The following PHF21B variants were observed in gnomAD, a reference collection of about 807,000 sequenced individuals.
PHF21B encodes PHD finger protein 21B.
Under a neutral mutation model 62.2 loss-of-function variants are expected in PHF21B, and 22 were observed. The ratio of observed to expected loss-of-function variants is 0.35; its 90% CI spans 0.25 to 0.51. The LOEUF (loss-of-function observed/expected upper bound fraction) is 0.51. PHF21B is among the 20% of genes least tolerant of loss of function. PHF21B has a pLI of 0.97. For missense variants in PHF21B, 701 were observed against 707.9 expected (o/e 0.99, Z 0.11); for synonymous variants, 341 against 314.7 (o/e 1.08, Z -0.88).
chr22:44,947,510 C>A (rs560482327), intron 2 of PHF21B, among the ~76,000 whole-genome samples: 5 of 152,240 alleles, frequency 3.3e-5, no homozygotes, highest in African/African-American at 4.8e-5. Flanking sequence ...GAGGGAAGGG[C>A]TCTGGGCCCT....
intron 2 of PHF21B, among the ~76,000 whole-genome samples, chr22:44,965,624 GC>G (rs1353305800): frequency 6.6e-6 from 1 of 152,014 alleles, no homozygotes; most frequent in Non-Finnish European, 1.5e-5. Flanking sequence ...GATTCCCCCG[GC>G]CCCCCAGGTG....
chr22:44,915,678 G>A (rs1055257741), intron 4 of PHF21B, among the ~76,000 whole-genome samples: 3 of 152,232 alleles, frequency 2.0e-5, no homozygotes, highest in East Asian at 1.9e-4. Flanking sequence ...AGAGAGGGGC[G>A]GCCTGGCAGA....
At chr22:44,883,379 GC>G in intron 12 of PHF21B, 75 bp from the exon 13 acceptor site, 1 of 1,416,306 alleles carries the variant, frequency 7.1e-7, no homozygotes, top group South Asian at 1.3e-5. Context: ...CACCGTCTGG[GC>G]CCCTCTCCCC....
intron 2 of PHF21B, among the ~76,000 whole-genome samples, chr22:44,962,677 T>C (rs1167043489): frequency 6.6e-6 from 1 of 152,150 alleles, no homozygotes; most frequent in East Asian, 1.9e-4. Flanking sequence ...CTCTGACAAA[T>C]ACAAGCTGGG....
intron 2 of PHF21B, among the ~76,000 whole-genome samples, chr22:45,007,568 G>C (rs1005663672): frequency 8.3e-6 from 1 of 119,868 alleles, no homozygotes; most frequent in Admixed American, 8.1e-5. Flanking sequence ...GCGCGAAGGA[G>C]GGAGGGAGGG....
chr22:44,938,620 G>A (rs1284396170), intron 2 of PHF21B, among the ~76,000 whole-genome samples: 1 of 152,266 alleles, frequency 6.6e-6, no homozygotes, highest in Non-Finnish European at 1.5e-5. Flanking sequence ...GAGCCCAGCT[G>A]GTGCACAGAC....
chr22:44,927,367 G>A (rs764330266), intron 2 of PHF21B, among the ~76,000 whole-genome samples: 7 of 152,180 alleles, frequency 4.6e-5, no homozygotes, highest in African/African-American at 1.7e-4. Context: ...AATATGGGGT[G>A]CCCTCAAGTA....
chr22:44,929,045 C>T (rs563070531), intron 2 of PHF21B, among the ~76,000 whole-genome samples: 6 of 152,240 alleles, frequency 3.9e-5, no homozygotes, highest in Non-Finnish European at 5.9e-5. Context: ...ATGGCCCAGC[C>T]GCCACGCGCA....
chr22:44,935,053 C>A lies in PHF21B; in HGVS notation c.121-14563G>T, dbSNP rs142696251. Among the ~76,000 whole-genome samples the A allele has an allele frequency of 1.8e-4, 27 of 152,276 alleles. 2 individuals are homozygous for A. The East Asian group carries it at 5.2e-3, about 29-fold the overall frequency. On this transcript the variant is annotated intron_variant, in intron 2 of 12. Transcript: ENST00000313237. ...ATCTCTGTGGCTGGTTAAACACACA[C>A]GCTCATGCAGTATATTCACTTTCAT...
At chr22:44,917,792 C>A (rs2071465738) in intron 3 of PHF21B, among the ~76,000 whole-genome samples, 1 of 152,208 alleles carries the variant, frequency 6.6e-6, no homozygotes, top group Non-Finnish European at 1.5e-5. Context: ...CAGGGTGGCT[C>A]CTACAGGGCC....
At chr22:44,955,844 C>G (rs114770595) in intron 2 of PHF21B, among the ~76,000 whole-genome samples, 1 of 152,164 alleles carries the variant, frequency 6.6e-6, no homozygotes, top group Non-Finnish European at 1.5e-5. Context: ...TGCTCTCTGG[C>G]GAGCCCTGAC....
intron 2 of PHF21B, among the ~76,000 whole-genome samples, chr22:44,960,942 A>C (rs1363809451): frequency 1.4e-5 from 2 of 145,504 alleles, no homozygotes; most frequent in African/African-American, 2.5e-5. Context: ...GTCCCTTCAA[A>C]ATCACGTGAG....
intron 5 of PHF21B, among the ~76,000 whole-genome samples, chr22:44,903,205 A>G (rs115734829): frequency 0.035 from 5,400 of 152,256 alleles, 292 homozygotes; most frequent in African/African-American, 0.12. Flanking sequence ...CACCTGACCC[A>G]GCCCTGTCTA....
At chr22:44,939,762 G>A (rs2071920132) in intron 2 of PHF21B, among the ~76,000 whole-genome samples, 1 of 152,108 alleles carries the variant, frequency 6.6e-6, no homozygotes, top group Admixed American at 6.5e-5. Flanking sequence ...GCAGGAGGGT[G>A]GGTCTGAGGA....
chr22:44,954,095 G>A (rs1388239747), intron 2 of PHF21B, among the ~76,000 whole-genome samples: 4 of 152,314 alleles, frequency 2.6e-5, no homozygotes, highest in African/African-American at 7.2e-5. Context: ...CCAGGTTTAC[G>A]GGGAAGGAAA....
intron 2 of PHF21B, among the ~76,000 whole-genome samples, chr22:44,986,152 T>C (rs1309091630): frequency 7.0e-6 from 1 of 142,228 alleles, no homozygotes; most frequent in Non-Finnish European, 1.5e-5. Flanking sequence ...ACCAACACCA[T>C]GAGCACCACC....
chr22:44,916,747 G>T, intron 3 of PHF21B, 117 bp from the exon 4 acceptor site: 2 of 940,394 alleles, frequency 2.1e-6, no homozygotes, highest in Non-Finnish European at 1.6e-6. Context: ...ACTGGAAAGA[G>T]CACAGCGCCT....
At chr22:44,945,785 G>A (rs1374093893) in intron 2 of PHF21B, among the ~76,000 whole-genome samples, 1 of 152,106 alleles carries the variant, frequency 6.6e-6, no homozygotes, top group African/African-American at 2.4e-5. Flanking sequence ...TAAGCACGAG[G>A]GGTCAGCCTG....
At chr22:44,984,188 TCATCACCACCACTAC>T (rs2072902082) in intron 2 of PHF21B, among the ~76,000 whole-genome samples, 18 of 15,472 alleles carry the variant, frequency 1.2e-3, no homozygotes, top group East Asian at 2.6e-3. Context: ...ACAACCACCA[TCATCACCACCACTAC>T]CACCATCATC....
Sources: allele counts gnomAD v4.1 joint callset (sites outside exome capture counted in the v4.1 genomes callset), GRCh38; gene constraint gnomAD v4.1.1; transcripts MANE v1.5; gene names NCBI Gene and HGNC (gene_info 2026-07-23, HGNC 2026-07-21).